The following ZBTB46 variants were observed in gnomAD, a reference collection of about 807,000 sequenced individuals.
The protein encoded by ZBTB46 is zinc finger and BTB domain-containing protein 46.
A neutral mutation model predicts 44.1 loss-of-function variants in ZBTB46; 8 were observed. The ratio of observed to expected loss-of-function variants is 0.18; its 90% CI spans 0.11 to 0.33. ZBTB46 has a LOEUF of 0.33. ZBTB46 is among the 10% of genes least tolerant of loss of function. ZBTB46 has a pLI of 1.00. For synonymous variants in ZBTB46, 409 were observed against 382.3 expected, an observed-to-expected ratio of 1.07 and a Z score of -0.81; for missense variants, 651 against 847.7, an observed-to-expected ratio of 0.77 and a Z score of 2.88.
At chr20:63,797,968 G>A (rs1185951101) in intron 1 of ZBTB46, among the ~76,000 whole-genome samples, 2 of 152,118 alleles carry the variant, frequency 1.3e-5, no homozygotes, top group African/African-American at 4.8e-5. Flanking sequence ...TCACTCTGAT[G>A]GTAGTTTCTT....
intron 3 of ZBTB46, among the ~76,000 whole-genome samples, chr20:63,773,915 C>T (rs922113356): frequency 1.4e-4 from 21 of 152,248 alleles, no homozygotes; most frequent in African/African-American, 4.8e-4. Context: ...TTTCTGCTGA[C>T]AAGTACACTT....
chr20:63,766,203 T>A (rs1266563518), intron 3 of ZBTB46, among the ~76,000 whole-genome samples: 4 of 123,110 alleles, frequency 3.2e-5, no homozygotes, highest in Non-Finnish European at 6.4e-5. Flanking sequence ...AGCTGAGAGA[T>A]CCTTTTTTTT....
At chr20:63,823,439 A>C (rs1443694918) in intron 1 of ZBTB46, among the ~76,000 whole-genome samples, 2 of 152,270 alleles carry the variant, frequency 1.3e-5, no homozygotes, top group African/African-American at 4.8e-5. Context: ...CAGAGGTTGC[A>C]GTGAGCCAAG....
At chr20:63,777,291 A>G (rs1026967476) in intron 2 of ZBTB46, among the ~76,000 whole-genome samples, 8 of 152,142 alleles carry the variant, frequency 5.3e-5, no homozygotes, top group African/African-American at 1.7e-4. Context: ...GCAACACAGC[A>G]GGACAAAAAG....
At chr20:63,765,130 T>C (rs2092310322) in intron 3 of ZBTB46, among the ~76,000 whole-genome samples, 2 of 151,974 alleles carry the variant, frequency 1.3e-5, no homozygotes, top group Admixed American at 1.3e-4. Flanking sequence ...CGTGTGTGTG[T>C]GTGTGGGGCT....
intron 1 of ZBTB46, among the ~76,000 whole-genome samples, chr20:63,802,752 G>A (rs1255753148): frequency 1.0e-4 from 11 of 109,256 alleles, no homozygotes; most frequent in African/African-American, 2.2e-4. Flanking sequence ...GCCGACAACC[G>A]AACCTCAGGC....
intron 1 of ZBTB46, among the ~76,000 whole-genome samples, chr20:63,829,488 C>G (rs2092836679): frequency 6.6e-6 from 1 of 152,248 alleles, no homozygotes; most frequent in South Asian, 2.1e-4. Flanking sequence ...CTGACAGTAA[C>G]TCCCCAGCCC....
chr20:63,815,480 G>A (rs1180992928), intron 1 of ZBTB46, among the ~76,000 whole-genome samples: 4 of 147,488 alleles, frequency 2.7e-5, no homozygotes, highest in Non-Finnish European at 6.0e-5. Context: ...GGGCATAGGT[G>A]CAGTGAGTGC....
Position 63,790,122 on chromosome 20 carries a change from A to C in ZBTB46, c.636T>G (p.Ser212=), listed in dbSNP as rs1015219159. 1.2e-6 allele frequency: 2 copies of C among 1,614,056 alleles called. No homozygotes were observed. ...EPKADGPDDV[S]SQPLWPGDVG... ...CGTCTCCAGGCCATAGAGGCTGTGA[A>C]GAAACATCATCAGGGCCATCGGCCT... Residue 212 remains serine (S), a synonymous_variant, in exon 2 of 5, where the codon TCT becomes TCG. Transcript: ENST00000245663.
chr20:63,785,088 C>T (rs1271157034), intron 2 of ZBTB46, among the ~76,000 whole-genome samples: 1 of 151,460 alleles, frequency 6.6e-6, no homozygotes, highest in Non-Finnish European at 1.5e-5. Flanking sequence ...AAAAATTAGC[C>T]GGGCGTGGTG....
intron 3 of ZBTB46, among the ~76,000 whole-genome samples, chr20:63,756,667 G>C (rs2092223255): frequency 6.6e-6 from 1 of 152,330 alleles, no homozygotes; most frequent in Admixed American, 6.5e-5. Context: ...CGTGTTCCCA[G>C]CACCCTCGAA....
At chr20:63,829,064 A>AC (rs1156493284) in intron 1 of ZBTB46, among the ~76,000 whole-genome samples, 2 of 152,036 alleles carry the variant, frequency 1.3e-5, no homozygotes, top group Non-Finnish European at 2.9e-5. Context: ...ACAACTGTGT[A>AC]CCCCCCACGG....
intron 3 of ZBTB46, among the ~76,000 whole-genome samples, chr20:63,772,335 A>T (rs369592205): frequency 6.6e-6 from 1 of 152,322 alleles, no homozygotes; most frequent in East Asian, 1.9e-4. Flanking sequence ...GAAAATTTAG[A>T]ATATTAAAAA....
At chr20:63,817,917 C>G (rs1169589084) in intron 1 of ZBTB46, among the ~76,000 whole-genome samples, 1 of 152,134 alleles carries the variant, frequency 6.6e-6, no homozygotes, top group Non-Finnish European at 1.5e-5. Flanking sequence ...GCCCCGTCCA[C>G]CCCGATGCTG....
chr20:63,791,291 C>T (rs1252638912), intron 1 of ZBTB46, among the ~76,000 whole-genome samples: 2 of 151,966 alleles, frequency 1.3e-5, no homozygotes, highest in Non-Finnish European at 2.9e-5. Context: ...GTCAGGAGAT[C>T]GAGACCATCC....
At chr20:63,801,562 T>G (rs1479638338) in intron 1 of ZBTB46, among the ~76,000 whole-genome samples, 1 of 152,192 alleles carries the variant, frequency 6.6e-6, no homozygotes, top group Non-Finnish European at 1.5e-5. Context: ...TTTTGCTCTT[T>G]GCAATAAATC....
At chr20:63,820,497 T>C (rs905301095) in intron 1 of ZBTB46, among the ~76,000 whole-genome samples, 2 of 151,362 alleles carry the variant, frequency 1.3e-5, no homozygotes, top group Non-Finnish European at 2.9e-5. Context: ...AGTGCAGTGG[T>C]GCAATCTCGG....
chr20:63,761,541 T>C (rs934102685), intron 3 of ZBTB46, among the ~76,000 whole-genome samples: 5 of 151,998 alleles, frequency 3.3e-5, no homozygotes, highest in African/African-American at 1.2e-4. Flanking sequence ...CCCAGCAGTT[T>C]GGGAGTCCGA....
At chr20:63,772,762 CA>C (rs1568850427) in intron 3 of ZBTB46, among the ~76,000 whole-genome samples, 17,296 of 78,640 alleles carry the variant, frequency 0.22, 1,219 homozygotes, top group Middle Eastern at 0.3. Context: ...CACACACACA[CA>C]CACAGAAGTG....
Sources: gnomAD v4.1 joint callset for allele counts (sites outside exome capture counted in the v4.1 genomes callset) on GRCh38, gnomAD v4.1.1 for gene constraint, MANE v1.5 for transcripts, NCBI Gene and HGNC (gene_info 2026-07-23, HGNC 2026-07-21) for gene names.